TEX14: variants seen among roughly 807,000 people sequenced by gnomAD.
TEX14 encodes inactive serine/threonine-protein kinase TEX14.
Under a neutral mutation model 178.6 loss-of-function variants are expected in TEX14, and 168 were observed. The observed-to-expected ratio is 0.94, with a 90% CI of 0.83 to 1.07. TEX14 has a LOEUF of 1.07. Ranked by LOEUF, TEX14 falls within the 50% of genes least tolerant of loss-of-function variation. TEX14 has a pLI of 0.00. For missense variants in TEX14, 1,730 were observed against 1,753.6 expected (o/e 0.99, Z 0.24); for synonymous variants, 626 against 634.1 (o/e 0.99, Z 0.19).
In TEX14 at chr17:58,587,631, T is replaced by C. The variant is rs1416311603; in HGVS notation, c.2738A>G (p.Asn913Ser). Residue 913 changes from asparagine to serine, a missense_variant, in exon 17 of 32, where the codon AAT becomes AGT. Physicochemically the swap from Asn to Ser is conservative, Grantham distance 46 (BLOSUM62 1). Transcript: ENST00000349033. ...SVEPVSSEIY[N>S]AESRNKDDGK... Reference sequence around the variant, plus strand: ...ATCATCTTTATTTCTGGACTCTGCATTATAGATTTCAGAAGAAACAGGTTC... The same window carrying C: ...ATCATCTTTATTTCTGGACTCTGCACTATAGATTTCAGAAGAAACAGGTTC... 10 of 1,608,398 alleles carry C rather than the reference T, an allele frequency of 6.2e-6. No individual in the cohort carries two copies. The East Asian group carries it at 2.2e-4, about 36-fold the overall frequency.
At chr17:58,562,558 G>A (rs996527365) in intron 28 of TEX14, among the ~76,000 whole-genome samples, 1 of 151,856 alleles carries the variant, frequency 6.6e-6, no homozygotes, top group African/African-American at 2.4e-5. Flanking sequence ...AGGCTGGAGT[G>A]CAGCGGCACC....
intron 3 of TEX14, among the ~76,000 whole-genome samples, 187 bp from the exon 4 acceptor site, chr17:58,623,199 C>T (rs1036446007): frequency 9.9e-5 from 15 of 152,074 alleles, no homozygotes; most frequent in Non-Finnish European, 2.1e-4. Flanking sequence ...CACACACACA[C>T]ACACACACAC....
At chr17:58,557,156 G>A in intron 31 of TEX14, 109 bp from the exon 32 acceptor site, 1 of 947,820 alleles carries the variant, frequency 1.1e-6, no homozygotes, top group Non-Finnish European at 1.7e-6. Flanking sequence ...TCAAGGGAAA[G>A]GAATTTTGGT....
intron 1 of TEX14, among the ~76,000 whole-genome samples, chr17:58,677,196 A>C (rs2047409964): frequency 2.0e-5 from 3 of 152,168 alleles, no homozygotes; most frequent in Admixed American, 2.0e-4. Flanking sequence ...CTGAGGCAGA[A>C]GGACTGAGTC....
intron 16 of TEX14, 88 bp downstream of exon 16, chr17:58,587,808 G>T: frequency 8.0e-7 from 1 of 1,251,204 alleles, no homozygotes; most frequent in Non-Finnish European, 1.2e-6. Context: ...TCCTAGAGTT[G>T]CACTGACCCC....
In TEX14 at chr17:58,577,491, T is replaced by TA. The variant is rs1567715802; in HGVS notation, c.3239-36_3239-35insT. 5.3e-6 allele frequency: 4 copies of TA among 751,520 alleles called. No individual in the cohort carries two copies. In the African/African-American group the frequency reaches 5.7e-5, roughly 11 times the overall value. 46.6% of individuals were successfully genotyped at this position (751,520 alleles called of 1,614,324 possible). A position where few individuals can be genotyped will look rare whatever the true frequency, so the allele number is the denominator to read the frequency against. Reference sequence around the variant, plus strand: ...TAAAGTTAAAAATATATATATATATTTTTTTTTACTGAATCTTTGTCAACC... The same window carrying TA: ...TAAAGTTAAAAATATATATATATATTATTTTTTTACTGAATCTTTGTCAACC... On this transcript the variant is annotated intron_variant, in intron 20 of 31. Coordinates refer to ENST00000349033, the MANE Select transcript of TEX14 (RefSeq NM_031272.5).
intron 2 of TEX14, among the ~76,000 whole-genome samples, chr17:58,639,483 C>T (rs1057424183): frequency 6.6e-6 from 1 of 151,846 alleles, no homozygotes; most frequent in Admixed American, 6.6e-5. Context: ...GGAGGATCAC[C>T]TGAGGTCAGG....
At chr17:58,686,540 G>A (rs1411262907) in intron 1 of TEX14, among the ~76,000 whole-genome samples, 1 of 152,076 alleles carries the variant, frequency 6.6e-6, no homozygotes, top group African/African-American at 2.4e-5. Context: ...GAGAGTCACT[G>A]CCATGCCCAG....
chr17:58,604,297 C>T (rs2045552227), intron 11 of TEX14, among the ~76,000 whole-genome samples: 1 of 150,906 alleles, frequency 6.6e-6, no homozygotes, highest in African/African-American at 2.4e-5. Context: ...ATGGTAAAAC[C>T]CCGTCTCTAC....
intron 1 of TEX14, among the ~76,000 whole-genome samples, chr17:58,680,735 C>CA (rs1207712316): frequency 1.3e-5 from 2 of 151,768 alleles, no homozygotes; most frequent in South Asian, 2.1e-4. Context: ...GACTCTGTCT[C>CA]AAAAAAACCC....
chr17:58,611,928 A>G (rs1212157415), intron 9 of TEX14, among the ~76,000 whole-genome samples: 1 of 152,172 alleles, frequency 6.6e-6, no homozygotes, highest in Admixed American at 6.6e-5. Context: ...ACAGAATAGG[A>G]GGTCCTCAGG....
chr17:58,602,307 T>C, intron 12 of TEX14, 93 bp downstream of exon 12: 1 of 1,276,574 alleles, frequency 7.8e-7, no homozygotes, highest in South Asian at 1.5e-5. Context: ...CAAAATTTCT[T>C]ACAACTTGGT....
chr17:58,629,801 C>T (rs2046239244), intron 3 of TEX14, among the ~76,000 whole-genome samples: 1 of 150,684 alleles, frequency 6.6e-6, no homozygotes, highest in African/African-American at 2.4e-5. Flanking sequence ...CACCACTGCA[C>T]TCCAGCCTGG....
Position 58,593,607 on chromosome 17 carries a change from T to C in TEX14, c.2524A>G (p.Thr842Ala), listed in dbSNP as rs559658584. 1.9e-6 allele frequency: 3 copies of C among 1,614,158 alleles called. No homozygotes were observed. Among genetic ancestry groups the C allele is most frequent in the East Asian group, 2.2e-5 (1 of 44,890 alleles). Residue 842 changes from threonine (T) to alanine (A), a missense_variant, in exon 15 of 32, where the codon ACT becomes GCT. Coordinates refer to ENST00000349033, the MANE Select transcript of TEX14 (RefSeq NM_031272.5). ...KQNTDEQFQC[T>A]QGAKDSLETS... ...TCCAAACTGTCCTTGGCTCCTTGAG[T>C]GCACTGAAATTGTTCATCTGTGTTC...
chr17:58,631,879 C>T (rs1324061575), intron 2 of TEX14: 1 of 152,198 alleles, frequency 6.6e-6, no homozygotes, highest in Non-Finnish European at 1.5e-5. Flanking sequence ...GAAACTCACA[C>T]ATATTATGCT....
Position 58,602,440 on chromosome 17 carries a change from T to C in TEX14, c.1487A>G (p.Asn496Ser). ...IHVKQKDRTMNLQDIRYILKN... is the reference protein window; with the variant it reads ...IHVKQKDRTMSLQDIRYILKN... ...CAGAATATACCGGATATCTTGAAGG[T>C]TCATAGTTCGGTCTTTCTGCTTGAC... is the stretch of plus-strand genomic sequence containing the variant. Residue 496 changes from asparagine (N) to serine (S), a missense_variant, in exon 12 of 32, where the codon AAC becomes AGC. This residue lies in a region of TEX14 where 789 missense variants were observed against 681.2 expected (regional missense o/e 1.16). Transcript: ENST00000349033. The C allele has an allele frequency of 6.2e-7, 1 of 1,613,998 alleles. No individual in the cohort carries two copies. Among genetic ancestry groups the C allele is most frequent in the East Asian group, 2.2e-5 (1 of 44,872 alleles).
At position 58,621,741 on chromosome 17, in the gene TEX14, T is replaced by C. The variant is rs760875719; in HGVS notation, c.463A>G (p.Ile155Val). The C allele has an allele frequency of 6.2e-7, 1 of 1,614,188 alleles. No homozygotes were observed. Among genetic ancestry groups the C allele is most frequent in the Non-Finnish European group, 8.5e-7 (1 of 1,180,014 alleles). Reference sequence around the variant, plus strand: ...AGGAGGTCGTAAGAGAAGCCCTGGATGATGGCCTGCATGTGTGAGGCACAG... The same window carrying C: ...AGGAGGTCGTAAGAGAAGCCCTGGACGATGGCCTGCATGTGTGAGGCACAG... Reference protein sequence around the residue: ...QRCASHMQAIIQGFSYDLLKK... With the variant: ...QRCASHMQAIVQGFSYDLLKK... Residue 155 changes from isoleucine to valine, a missense_variant, in exon 5 of 32, where the codon ATC becomes GTC. This residue lies in a region of TEX14 where 789 missense variants were observed against 681.2 expected (regional missense o/e 1.16). Transcript: ENST00000349033.
At chr17:58,558,962 G>C (rs1317543787) in intron 30 of TEX14, among the ~76,000 whole-genome samples, 1 of 152,162 alleles carries the variant, frequency 6.6e-6, no homozygotes, top group East Asian at 1.9e-4. Flanking sequence ...CTGAGGTCAA[G>C]AGATCGAGAC....
At chr17:58,604,718 G>A (rs1434806489) in intron 11 of TEX14, among the ~76,000 whole-genome samples, 1 of 151,208 alleles carries the variant, frequency 6.6e-6, no homozygotes, top group African/African-American at 2.4e-5. Context: ...GTGCCACCAC[G>A]CCCAGCTAAT....
Sources: allele counts gnomAD v4.1 joint callset (sites outside exome capture counted in the v4.1 genomes callset), GRCh38; gene constraint gnomAD v4.1.1; regional missense constraint gnomAD v4.1.1; transcripts MANE v1.5; gene names NCBI Gene and HGNC (gene_info 2026-07-23, HGNC 2026-07-21).